PHKB: variants seen among roughly 807,000 people sequenced by gnomAD.
PHKB encodes the protein phosphorylase kinase regulatory subunit beta.
PHKB carries 122 observed loss-of-function variants against 152.1 expected under a neutral mutation model. That is an observed-to-expected ratio of 0.80 (90% CI 0.69 to 0.93). PHKB has a LOEUF of 0.93. Among genes scored for constraint, PHKB ranks in the 40% least tolerant of loss-of-function variants. PHKB has a pLI of 0.00. For synonymous variants in PHKB, 436 were observed against 464.9 expected (o/e 0.94, Z 0.80); for missense variants, 1,304 against 1,328.4 (o/e 0.98, Z 0.29).
intron 14 of PHKB, among the ~76,000 whole-genome samples, chr16:47,636,925 T>G (rs1972931369): frequency 6.6e-6 from 1 of 152,070 alleles, no homozygotes; most frequent in African/African-American, 2.4e-5. Context: ...AAACTGTGCT[T>G]TTTCCGGGCC....
intron 1 of PHKB, among the ~76,000 whole-genome samples, chr16:47,490,011 A>G (rs893776337): frequency 6.6e-6 from 1 of 152,186 alleles, no homozygotes; most frequent in African/African-American, 2.4e-5. Flanking sequence ...ATTAAAGGCT[A>G]TAAATAGTTT....
At chr16:47,640,973 T>G in intron 14 of PHKB, 62 bp from the exon 15 acceptor site, 1 of 1,407,574 alleles carries the variant, frequency 7.1e-7, no homozygotes, top group Non-Finnish European at 1.0e-6. Flanking sequence ...TTGTTTCTCA[T>G]TGTAGCTGAT....
chr16:47,535,349 T>G (rs574831656), intron 6 of PHKB, among the ~76,000 whole-genome samples: 6 of 152,360 alleles, frequency 3.9e-5, no homozygotes, highest in Non-Finnish European at 7.3e-5. Context: ...GCATTTGTGC[T>G]TGGTCTGAAT....
At chr16:47,652,035 C>CT (rs890540928) in intron 20 of PHKB, among the ~76,000 whole-genome samples, 16 of 151,756 alleles carry the variant, frequency 1.1e-4, no homozygotes, top group Admixed American at 8.5e-4. Flanking sequence ...TAGAGGTTTT[C>CT]TTTTTTTTCT....
intron 7 of PHKB, among the ~76,000 whole-genome samples, chr16:47,569,444 G>GT (rs1971621465): frequency 6.6e-6 from 1 of 152,094 alleles, no homozygotes; most frequent in African/African-American, 2.4e-5. Context: ...TTTGGTCTGT[G>GT]TTTTTTAAAA....
At position 47,661,701 on chromosome 16, in the gene PHKB, C is replaced by A; in HGVS notation, c.2197-18C>A. On this transcript the variant is annotated intron_variant, in intron 22 of 30. Coordinates refer to ENST00000323584, the MANE Select transcript of PHKB (RefSeq NM_000293.3). ...TACCCATTTCATTCCAGTTCCTCAC[C>A]GTGATTTATATTTTCAGGATTGCAG... The A allele has an allele frequency of 1.9e-6, 3 of 1,577,132 alleles. No homozygotes were observed. In the East Asian group the frequency reaches 6.7e-5, roughly 35 times the overall value.
chr16:47,520,036 C>T lies in PHKB; in HGVS notation c.594+4435C>T, dbSNP rs374949549. On this transcript the variant is annotated intron_variant, in intron 6 of 30. Transcript: ENST00000323584. ...GTATGGAAGCTTTGTGTCCTAGATT[C>T]TACCTTTTGCTATGAGATGGTTATC... Among the ~76,000 whole-genome samples the T allele has an allele frequency of 4.6e-5, 7 of 151,856 alleles. No homozygotes were observed. The East Asian group carries it at 1.2e-3, about 25-fold the overall frequency.
At chr16:47,679,625 C>T (rs1471491517) in intron 26 of PHKB, among the ~76,000 whole-genome samples, 20 of 152,262 alleles carry the variant, frequency 1.3e-4, no homozygotes, top group Admixed American at 8.5e-4. Flanking sequence ...ATTTTGTATC[C>T]TCAGACTTTG....
intron 12 of PHKB, 135 bp from the exon 13 acceptor site, chr16:47,596,238 C>G: frequency 1.5e-6 from 1 of 649,874 alleles, no homozygotes. Context: ...GCCTCCCCAG[C>G]CATGTGGAAC....
Position 47,660,657 on chromosome 16 carries a change from G to T in PHKB, c.2034G>T (p.Glu678Asp). ...TGAAACCTTTTCTTTTAATTTTTAGGCTTCCAGAATTTAAGAGTTTTGAGG... is the reference window on the plus strand; with the variant it reads ...TGAAACCTTTTCTTTTAATTTTTAGTCTTCCAGAATTTAAGAGTTTTGAGG... Reference protein sequence around the residue: ...LDFLRISDTEELPEFKSFEEL... With the variant: ...LDFLRISDTEDLPEFKSFEEL... The change falls in exon 22 of 31, where the codon GAG becomes GAT. Residue 678 changes from glutamate (E) to aspartate (D), a missense_variant and splice_region_variant. Physicochemically the swap from Glu to Asp is conservative, Grantham distance 45. Transcript: ENST00000323584. The T allele has an allele frequency of 6.2e-7, 1 of 1,613,768 alleles. No individual in the cohort carries two copies. The highest frequency in any genetic ancestry group is 8.5e-7 in the Non-Finnish European group (1 of 1,179,854).
At chr16:47,567,798 G>A (rs1281385063) in intron 7 of PHKB, among the ~76,000 whole-genome samples, 8 of 152,170 alleles carry the variant, frequency 5.3e-5, no homozygotes. Flanking sequence ...TAAAATAATC[G>A]TATGGTTTCT....
At chr16:47,525,068 T>C (rs1055493542) in intron 6 of PHKB, among the ~76,000 whole-genome samples, 2 of 152,192 alleles carry the variant, frequency 1.3e-5, no homozygotes, top group African/African-American at 4.8e-5. Context: ...AGTTTGTGAA[T>C]TTTCAGTAGA....
intron 14 of PHKB, among the ~76,000 whole-genome samples, chr16:47,616,352 G>A (rs531917847): frequency 2.8e-4 from 43 of 151,016 alleles, no homozygotes; most frequent in Middle Eastern, 3.4e-3. Flanking sequence ...TTTTATATAC[G>A]GTGTGAGGCA....
At chr16:47,694,151 T>G (rs1974109858) in intron 28 of PHKB, among the ~76,000 whole-genome samples, 1 of 152,230 alleles carries the variant, frequency 6.6e-6, no homozygotes, top group Non-Finnish European at 1.5e-5. Context: ...TCACTCCAGG[T>G]GTACCTTACC....
chr16:47,520,466 G>A (rs1970667442), intron 6 of PHKB, among the ~76,000 whole-genome samples: 1 of 152,160 alleles, frequency 6.6e-6, no homozygotes, highest in African/African-American at 2.4e-5. Context: ...TACGTGGCAG[G>A]GCTTGGATTT....
chr16:47,668,038 C>T (rs946532185), intron 25 of PHKB, among the ~76,000 whole-genome samples: 2 of 152,176 alleles, frequency 1.3e-5, no homozygotes, highest in African/African-American at 2.4e-5. Flanking sequence ...ATTCTCTGAC[C>T]GCATCTTACC....
At chr16:47,668,511 T>C (rs1973578633) in intron 25 of PHKB, among the ~76,000 whole-genome samples, 1 of 152,196 alleles carries the variant, frequency 6.6e-6, no homozygotes, top group Non-Finnish European at 1.5e-5. Context: ...GGGAGAAGAA[T>C]GCCAAGTATA....
intron 16 of PHKB, among the ~76,000 whole-genome samples, chr16:47,648,196 T>TA (rs977943955): frequency 2.0e-5 from 3 of 152,194 alleles, no homozygotes; most frequent in African/African-American, 7.2e-5. Flanking sequence ...TTTAAAATGT[T>TA]AAACAACTGG....
At chr16:47,650,452 A>G in intron 18 of PHKB, 92 bp from the exon 19 acceptor site, 2 of 783,296 alleles carry the variant, frequency 2.6e-6, no homozygotes, top group Non-Finnish European at 4.6e-6. Flanking sequence ...CTTGCTACAT[A>G]AGAATTTTGT....
Sources: gnomAD v4.1 joint callset for allele counts (sites outside exome capture counted in the v4.1 genomes callset) on GRCh38, gnomAD v4.1.1 for gene constraint, MANE v1.5 for transcripts, NCBI Gene and HGNC (gene_info 2026-07-23, HGNC 2026-07-21) for gene names.